Variants in IGF1R observed in about 807,000 individuals in gnomAD.
IGF1R encodes insulin like growth factor 1 receptor.
In IGF1R, 44 loss-of-function variants were observed where a neutral mutation model predicts 144.6. The ratio of observed to expected loss-of-function variants is 0.30; its 90% CI spans 0.24 to 0.39. IGF1R has a LOEUF of 0.39. IGF1R is among the 10% of genes least tolerant of loss of function. The probability of loss-of-function intolerance (pLI) is 1.00; values close to 1 mark genes in which losing one functional copy is unlikely to be tolerated. For missense variants in IGF1R, 1,355 were observed against 1,833.7 expected, an observed-to-expected ratio of 0.74 and a Z score of 4.77; for synonymous variants, 795 against 722.8, an observed-to-expected ratio of 1.10 and a Z score of -1.60.
At chr15:98,860,927 C>G (rs2012114050) in intron 2 of IGF1R, among the ~76,000 whole-genome samples, 1 of 152,120 alleles carries the variant, frequency 6.6e-6, no homozygotes, top group Non-Finnish European at 1.5e-5. Flanking sequence ...TGCTTGACTA[C>G]CCCAGAAATG....
intron 2 of IGF1R, among the ~76,000 whole-genome samples, chr15:98,724,896 G>A (rs1037788896): frequency 1.3e-5 from 2 of 152,218 alleles, no homozygotes; most frequent in Non-Finnish European, 2.9e-5. Context: ...GAGAAGTTCA[G>A]TGAGAACCTC....
chr15:98,705,900 A>C (rs1193055535), intron 1 of IGF1R, among the ~76,000 whole-genome samples: 3 of 152,166 alleles, frequency 2.0e-5, no homozygotes, highest in Non-Finnish European at 1.5e-5. Context: ...CATTTCCTCA[A>C]CTGCTCCCCT....
intron 2 of IGF1R, among the ~76,000 whole-genome samples, chr15:98,786,170 C>T (rs147459679): frequency 3.2e-4 from 48 of 152,276 alleles, no homozygotes; most frequent in African/African-American, 1.1e-3. Flanking sequence ...TTCAGTTTCC[C>T]CACCAGTTGA....
chr15:98,882,803 C>G (rs1242039577), intron 2 of IGF1R, among the ~76,000 whole-genome samples: 1 of 152,192 alleles, frequency 6.6e-6, no homozygotes, highest in East Asian at 1.9e-4. Flanking sequence ...CAACCCCTTT[C>G]AAAGACTGCA....
chr15:98,926,827 C>T (rs2015739857), intron 13 of IGF1R, among the ~76,000 whole-genome samples: 1 of 152,218 alleles, frequency 6.6e-6, no homozygotes, highest in African/African-American at 2.4e-5. Context: ...ATTGTTCCAT[C>T]TAGTCCAGTT....
intron 2 of IGF1R, among the ~76,000 whole-genome samples, chr15:98,756,253 T>G (rs2055153559): frequency 6.6e-6 from 1 of 151,416 alleles, no homozygotes; most frequent in African/African-American, 2.4e-5. Flanking sequence ...TAACCTGTTT[T>G]TTTTTTTTTT....
intron 13 of IGF1R, among the ~76,000 whole-genome samples, chr15:98,928,121 G>A (rs2015793906): frequency 6.6e-6 from 1 of 152,036 alleles, no homozygotes; most frequent in Admixed American, 6.6e-5. Context: ...CCTCTTAAAT[G>A]TCTCTGGAAT....
intron 2 of IGF1R, among the ~76,000 whole-genome samples, chr15:98,836,353 CA>C: frequency 6.7e-6 from 1 of 149,626 alleles, no homozygotes; most frequent in African/African-American, 2.5e-5. Flanking sequence ...ACTATCTCTA[CA>C]AAAAAAAAGA....
intron 1 of IGF1R, among the ~76,000 whole-genome samples, chr15:98,655,433 TTTA>T (rs1205247251): frequency 2.0e-5 from 3 of 152,220 alleles, no homozygotes; most frequent in Non-Finnish European, 2.9e-5. Flanking sequence ...TTACTTATGT[TTTA>T]TTTTCAAATC....
intron 8 of IGF1R, 136 bp from the exon 9 acceptor site, chr15:98,915,828 C>A: frequency 1.2e-6 from 1 of 819,444 alleles, no homozygotes; most frequent in Non-Finnish European, 2.1e-6. Context: ...TCACTTTTCA[C>A]TTTGTATTTC....
At chr15:98,810,539 A>ATTTTC (rs1216894122) in intron 2 of IGF1R, among the ~76,000 whole-genome samples, 1 of 146,616 alleles carries the variant, frequency 6.8e-6, no homozygotes, top group Non-Finnish European at 1.5e-5. Context: ...ATTCTAAATG[A>ATTTTC]TTTTCTTTTC....
In IGF1R at chr15:98,819,304, C is replaced by A. The variant is rs148038795; in HGVS notation, c.641-72021C>A. ...CTTCACACTGTTAAAAATGGAAAAC[C>A]CTGCCACTGTCTACATGTTTATGTT... On this transcript the variant is annotated intron_variant, in intron 2 of 20. Transcript: ENST00000650285. 8.0e-4 allele frequency among the ~76,000 whole-genome samples: 122 copies of A among 152,176 alleles called. 1 individual carries two copies. The highest frequency in any genetic ancestry group is 2.6e-3 in the African/African-American group (108 of 41,496).
chr15:98,812,605 ACCT>A (rs1249971590), intron 2 of IGF1R, among the ~76,000 whole-genome samples: 2 of 151,634 alleles, frequency 1.3e-5, no homozygotes, highest in Non-Finnish European at 2.9e-5. Flanking sequence ...TGATCCTCCC[ACCT>A]CAGCCTCCCA....
At chr15:98,718,130 G>A (rs2054165312) in intron 2 of IGF1R, among the ~76,000 whole-genome samples, 16 of 152,202 alleles carry the variant, frequency 1.1e-4, no homozygotes, top group Admixed American at 1.0e-3. Context: ...GATCAGGTGG[G>A]TGGGAAAATG....
At chr15:98,928,772 G>T (rs1358059899) in intron 13 of IGF1R, among the ~76,000 whole-genome samples, 1 of 152,086 alleles carries the variant, frequency 6.6e-6, no homozygotes, top group Admixed American at 6.5e-5. Context: ...CAGGGTATGG[G>T]TCCATGTGCC....
intron 2 of IGF1R, among the ~76,000 whole-genome samples, chr15:98,752,790 T>A (rs2055046282): frequency 6.6e-6 from 1 of 152,250 alleles, no homozygotes; most frequent in Admixed American, 6.5e-5. Context: ...TTGACTTTGT[T>A]ATTATAAGTG....
intron 5 of IGF1R, among the ~76,000 whole-genome samples, chr15:98,905,583 G>A (rs1331860229): frequency 1.3e-5 from 2 of 151,736 alleles, no homozygotes; most frequent in African/African-American, 2.4e-5. Flanking sequence ...AGGGTAGCTT[G>A]AGCCTGGGAA....
chr15:98,961,434 T>G lies in IGF1R; in HGVS notation c.*3992T>G, dbSNP rs1351881630. Reference sequence around the variant, plus strand: ...AGAGAAAACTTGGCTTGTGTGATGGTGCAGTCACTTTACTGGACCAACCCA... The same window carrying G: ...AGAGAAAACTTGGCTTGTGTGATGGGGCAGTCACTTTACTGGACCAACCCA... On this transcript the variant is annotated 3_prime_UTR_variant, in exon 21 of 21. Transcript: ENST00000650285. 4.3e-6 allele frequency: 1 copy of G among 233,336 alleles called. No individual in the cohort carries two copies. Among genetic ancestry groups the G allele is most frequent in the Non-Finnish European group, 8.5e-6 (1 of 118,000 alleles). The allele number at this position is 233,336 out of a possible 1,614,324, so 14.5% of individuals were successfully genotyped here. A position where few individuals can be genotyped will look rare whatever the true frequency, so the allele number is the denominator to read the frequency against.
intron 2 of IGF1R, among the ~76,000 whole-genome samples, chr15:98,750,852 T>A (rs911893427): frequency 6.6e-6 from 1 of 152,198 alleles, no homozygotes; most frequent in African/African-American, 2.4e-5. Context: ...AATGGCGTGA[T>A]CACTACTCAC....
Sources: allele counts gnomAD v4.1 joint callset (sites outside exome capture counted in the v4.1 genomes callset), GRCh38; gene constraint gnomAD v4.1.1; transcripts MANE v1.5; gene names NCBI Gene and HGNC (gene_info 2026-07-23, HGNC 2026-07-21).